SYNJ2: variants seen among roughly 807,000 people sequenced by gnomAD.
SYNJ2 encodes the protein synaptojanin 2.
In SYNJ2, 116 loss-of-function variants were observed where a neutral mutation model predicts 141.3. The observed-to-expected ratio is 0.82, with a 90% CI of 0.71 to 0.96. The LOEUF (loss-of-function observed/expected upper bound fraction) is 0.96, where lower values mean the gene tolerates loss of function less well. SYNJ2 is among the 40% of genes least tolerant of loss of function. The pLI is 0.00. For missense variants in SYNJ2, 1,873 were observed against 1,934.8 expected, an observed-to-expected ratio of 0.97 and a Z score of 0.60; for synonymous variants, 745 against 777.7, an observed-to-expected ratio of 0.96 and a Z score of 0.70.
Position 158,029,019 on chromosome 6 carries a change from T to C in SYNJ2, c.478T>C (p.Phe160Leu). The C allele has an allele frequency of 1.4e-6, 2 of 1,390,514 alleles. No individual in the cohort carries two copies. The highest frequency in any genetic ancestry group is 1.9e-6 in the Non-Finnish European group (2 of 1,066,280). 86.1% of individuals were successfully genotyped at this position (1,390,514 alleles called of 1,614,324 possible). A position where few individuals can be genotyped will look rare whatever the true frequency, so the allele number is the denominator to read the frequency against. The part of the protein sequence containing the change: ...GDDSSEWGNS[F>L]FWNQLLHVPL... The stretch of plus-strand genomic sequence containing the variant: ...TGACAGCTCTGAATGGGGGAACTCC[T>C]TCTTCTGGTGAGGCCCTGGGTCCCC... Residue 160 changes from phenylalanine (F) to leucine (L), a missense_variant, in exon 3 of 27, where the codon TTC becomes CTC. By Grantham distance (22) the Phe-to-Leu change is conservative. Transcript: ENST00000355585.
chr6:158,075,413 T>G (rs13213169), intron 16 of SYNJ2, among the ~76,000 whole-genome samples: 1 of 151,170 alleles, frequency 6.6e-6, no homozygotes, highest in African/African-American at 2.4e-5. Flanking sequence ...GGCCGAGGCG[T>G]GCGGATCACC....
At position 158,028,875 on chromosome 6, in the gene SYNJ2, A is replaced by G. The variant is rs1227362693; in HGVS notation, c.334A>G (p.Lys112Glu). ...CTTTTACCCTCTTCAGGAAGAGGCC[A>G]AGGAGGAGGAACGCCTCATAGCTTT... is the stretch of plus-strand genomic sequence containing the variant. ...TDFYPLQEEAKEEERLIALKK... is the reference protein window; with the variant it reads ...TDFYPLQEEAEEEERLIALKK... Residue 112 changes from lysine (K) to glutamate (E), a missense_variant, in exon 3 of 27, where the codon AAG becomes GAG. By Grantham distance (56) the Lys-to-Glu change is moderately conservative. Transcript: ENST00000355585. The G allele has an allele frequency of 1.9e-6, 3 of 1,614,212 alleles. No homozygotes were observed. The highest frequency in any genetic ancestry group is 1.1e-5 in the South Asian group (1 of 91,082).
intron 12 of SYNJ2, chr6:158,067,499 T>A: frequency 2.0e-6 from 2 of 985,466 alleles, no homozygotes; most frequent in African/African-American, 3.5e-5. Context: ...GCCCCAGAAC[T>A]TAGGATCTGA....
intron 1 of SYNJ2, among the ~76,000 whole-genome samples, chr6:158,001,946 T>C (rs1777879413): frequency 2.6e-5 from 4 of 152,190 alleles, no homozygotes; most frequent in Admixed American, 2.6e-4. Context: ...GGTTTTCCCA[T>C]GTGACGAGGT....
Position 158,073,348 on chromosome 6 carries a change from C to T in SYNJ2, c.2134-1232C>T, listed in dbSNP as rs549586239. Among the ~76,000 whole-genome samples the T allele has an allele frequency of 7.9e-5, 12 of 151,706 alleles. 1 individual carries two copies. In the South Asian group the frequency reaches 1.0e-3, roughly 13 times the overall value. Reference sequence around the variant, plus strand: ...GAGTAATTGGGATTACAGGCGTGCACCACCAGGCCCAACTAGTTTTTGTAT... The same window carrying T: ...GAGTAATTGGGATTACAGGCGTGCATCACCAGGCCCAACTAGTTTTTGTAT... On this transcript the variant is annotated intron_variant, in intron 15 of 26. Transcript: ENST00000355585.
Position 158,047,774 on chromosome 6 carries a change from C to CAA in SYNJ2, c.795+4405_795+4406dup, listed in dbSNP as rs58147972. On this transcript the variant is annotated intron_variant, in intron 5 of 26. Coordinates refer to ENST00000355585, the MANE Select transcript of SYNJ2 (RefSeq NM_003898.4). ...CCTGGTCAACAGAGTGCGACTCTGT[C>CAA]AAAAAAAAAAAAAAAAAAAAAAAAA... Among the ~76,000 whole-genome samples the CAA allele has an allele frequency of 6.7e-3, 218 of 32,376 alleles. 33 individuals carry two copies. The highest frequency in any genetic ancestry group is 0.022 in the African/African-American group (164 of 7,402). 21.2% of individuals were successfully genotyped at this position (32,376 alleles called of 152,430 possible). A position where few individuals can be genotyped will look rare whatever the true frequency, so the allele number is the denominator to read the frequency against.
chr6:158,063,273 A>C lies in SYNJ2; in HGVS notation c.1128-518A>C, dbSNP rs113290932. ...AACGACCCAGCTGTGCAGGCTACTG[A>C]GTGTGTGTCCTGGGGTCTGCCTGCC... On this transcript the variant is annotated intron_variant, in intron 8 of 26. Transcript: ENST00000355585. 8.6e-3 allele frequency among the ~76,000 whole-genome samples: 1,303 copies of C among 152,200 alleles called. 17 individuals carry two copies. The highest frequency in any genetic ancestry group is 0.029 in the African/African-American group (1,223 of 41,506).
intron 1 of SYNJ2, chr6:158,000,988 C>T (rs1777828618): frequency 6.6e-6 from 1 of 152,428 alleles, no homozygotes; most frequent in African/African-American, 2.4e-5. Flanking sequence ...GTCTCTCTAC[C>T]CCTCCTCTGT....
intron 4 of SYNJ2, 101 bp downstream of exon 4, chr6:158,033,781 G>T (rs900171345): frequency 7.3e-6 from 9 of 1,238,716 alleles, no homozygotes; most frequent in Non-Finnish European, 8.9e-6. Flanking sequence ...TGGCATATTT[G>T]TGGTGGTCTC....
chr6:158,080,261 A>T (rs1211210885), intron 18 of SYNJ2, among the ~76,000 whole-genome samples: 1 of 152,036 alleles, frequency 6.6e-6, no homozygotes, highest in East Asian at 1.9e-4. Context: ...GATCACCTAA[A>T]GTCAGGAGTT....
At chr6:158,080,399 C>A (rs1257024359) in intron 18 of SYNJ2, among the ~76,000 whole-genome samples, 1 of 151,172 alleles carries the variant, frequency 6.6e-6, no homozygotes, top group African/African-American at 2.4e-5. Context: ...CACTTGAGCC[C>A]GGGAGGCGGA....
intron 2 of SYNJ2, among the ~76,000 whole-genome samples, chr6:158,022,476 C>T (rs2128331461): frequency 6.6e-6 from 1 of 152,328 alleles, no homozygotes; most frequent in East Asian, 1.9e-4. Context: ...CCTCCCTCCA[C>T]CTCACTCTGG....
rs60161306 is a variant in SYNJ2, at chr6:158,098,536, TAAAAAAA to T, written c.*2180_*2186del. 7.0e-6 allele frequency: 1 copy of T among 142,008 alleles called. No homozygotes were observed. The highest frequency in any genetic ancestry group is 1.5e-5 in the Non-Finnish European group (1 of 64,930). 8.8% of individuals were successfully genotyped at this position (142,008 alleles called of 1,614,324 possible). A position where few individuals can be genotyped will look rare whatever the true frequency, so the allele number is the denominator to read the frequency against. On this transcript the variant is annotated 3_prime_UTR_variant, in exon 27 of 27. Coordinates refer to ENST00000355585, the MANE Select transcript of SYNJ2 (RefSeq NM_003898.4). ...TATGGTTCTCATACCAGAATTCTCT[TAAAAAAA>T]AAAAAAAGGACAATTGGAATTGCCT...
Position 158,027,378 on chromosome 6 carries a change from T to A in SYNJ2, c.215-1378T>A, listed in dbSNP as rs1779103846. 4.1e-6 allele frequency: 1 copy of A among 243,068 alleles called. No individual in the cohort carries two copies. The highest frequency in any genetic ancestry group is 2.3e-5 in the African/African-American group (1 of 43,076). The allele number at this position is 243,068 out of a possible 1,614,324, so 15.1% of individuals were successfully genotyped here. A position where few individuals can be genotyped will look rare whatever the true frequency, so the allele number is the denominator to read the frequency against. On this transcript the variant is annotated intron_variant, in intron 2 of 26. Transcript: ENST00000355585. This position sits in a 1 kb window ranked among gnomAD's most constrained non-coding sequence, Gnocchi z 4.6. ...CCCTGCCAGACCCCAAAGGCCGGTT[T>A]CTACCCGATGATCTCTTGGGCCCCG... is the stretch of plus-strand genomic sequence containing the variant.
In SYNJ2 at chr6:157,982,179, G is replaced by T; in HGVS notation, c.127+91G>T. ...AGACGGGTACCCCCCCTTCCCGAGG[G>T]GATCGGGCGGCGCTGGGACTGCCGG... On this transcript the variant is annotated intron_variant, in intron 1 of 26. Coordinates refer to ENST00000355585, the MANE Select transcript of SYNJ2 (RefSeq NM_003898.4). This position sits in a 1 kb window ranked among gnomAD's most constrained non-coding sequence, Gnocchi z 4.0. 4 of 1,244,156 alleles carry T rather than the reference G, an allele frequency of 3.2e-6. No homozygotes were observed. The highest frequency in any genetic ancestry group is 2.0e-6 in the Non-Finnish European group (2 of 992,248). The allele number at this position is 1,244,156 out of a possible 1,614,324, so 77.1% of individuals were successfully genotyped here. A position where few individuals can be genotyped will look rare whatever the true frequency, so the allele number is the denominator to read the frequency against.
In SYNJ2 at chr6:158,070,204, A is replaced by T. The variant is rs189576726; in HGVS notation, c.1940+531A>T. On this transcript the variant is annotated intron_variant, in intron 14 of 26. Transcript: ENST00000355585. This position sits in a 1 kb window ranked among gnomAD's most constrained non-coding sequence, Gnocchi z 4.0. The stretch of plus-strand genomic sequence containing the variant: ...GGGTGTTTGGATGCTGGAGGAACTC[A>T]TCTTTTCCCCAGCTTGTGGTTGGCC... The T allele has an allele frequency of 9.1e-6, 9 of 985,428 alleles. No individual in the cohort carries two copies. Among genetic ancestry groups the T allele is most frequent in the Admixed American group, 6.1e-5 (1 of 16,284 alleles). The allele number at this position is 985,428 out of a possible 1,614,324, so 61.0% of individuals were successfully genotyped here.
At chr6:158,024,683 C>T (rs1295893732) in intron 2 of SYNJ2, among the ~76,000 whole-genome samples, 2 of 152,186 alleles carry the variant, frequency 1.3e-5, no homozygotes, top group East Asian at 1.9e-4. Context: ...GAGGAACACA[C>T]GGCTGCAGGG....
intron 2 of SYNJ2, among the ~76,000 whole-genome samples, chr6:158,024,861 G>A (rs1778956372): frequency 6.6e-6 from 1 of 152,328 alleles, no homozygotes. Flanking sequence ...ACGTTACTGT[G>A]TAGATTCCAT....
At position 157,986,282 on chromosome 6, in the gene SYNJ2, G is replaced by GCTGT. The variant is rs983853325; in HGVS notation, c.127+4197_127+4200dup. Among the ~76,000 whole-genome samples, 9 of 152,226 alleles carry GCTGT rather than the reference G, an allele frequency of 5.9e-5. No homozygotes were observed. In the South Asian group the frequency reaches 1.2e-3, roughly 21 times the overall value. On this transcript the variant is annotated intron_variant, in intron 1 of 26. Transcript: ENST00000355585. ...GGTTTGCCTCCTCTCCTAGCCGGAGGCTGTCTCAGCGTAGTGTTTACAAAA... is the reference window on the plus strand; with the variant it reads ...GGTTTGCCTCCTCTCCTAGCCGGAGGCTGTCTGTCTCAGCGTAGTGTTTACAAAA...
Sources: allele counts gnomAD v4.1 joint callset (sites outside exome capture counted in the v4.1 genomes callset), GRCh38; gene constraint gnomAD v4.1.1; non-coding constraint Gnocchi (gnomAD v3.1); transcripts MANE v1.5; gene names NCBI Gene and HGNC (gene_info 2026-07-23, HGNC 2026-07-21).